Variants in TEX9 observed in about 807,000 individuals in gnomAD.
TEX9 encodes the protein testis-expressed protein 9.
In TEX9, 74 loss-of-function variants were observed where a neutral mutation model predicts 59.6. The observed-to-expected ratio is 1.24, with a 90% CI of 1.03 to 1.51. TEX9 has a LOEUF of 1.51. TEX9 is among the 40% of genes most tolerant of loss of function. TEX9 has a pLI of 0.00. For missense variants in TEX9, 522 were observed against 447.8 expected (o/e 1.17, Z -1.49); for synonymous variants, 186 against 152.2 (o/e 1.22, Z -1.64).
At chr15:56,336,340 G>A (rs1405881252) in intron 1 of TEX9, among the ~76,000 whole-genome samples, 2 of 152,158 alleles carry the variant, frequency 1.3e-5, no homozygotes, top group African/African-American at 4.8e-5. Flanking sequence ...TAGGTCACAA[G>A]GGTGGTCCCT....
chr15:56,446,969 T>C, downstream of TEX9: 1 of 1,512,050 alleles, frequency 6.6e-7, no homozygotes, highest in East Asian at 2.3e-5. Context: ...AAAACAAATT[T>C]AAATGTTAGG....
intron 2 of TEX9, among the ~76,000 whole-genome samples, chr15:56,369,163 G>A (rs1237187218): frequency 1.3e-5 from 2 of 151,962 alleles, no homozygotes; most frequent in Admixed American, 6.6e-5. Flanking sequence ...AGCACATAGG[G>A]TTGTTTGTTT....
chr15:56,434,210 C>A, intron 12 of TEX9: 1 of 1,613,934 alleles, frequency 6.2e-7, no homozygotes, highest in Non-Finnish European at 8.5e-7. Context: ...CCAGCTGCTT[C>A]ATTCTTTGTT....
rs2047385975 is a variant in TEX9 at position 56,375,309 on chromosome 15, T to C, written c.183+1805T>C. Among the ~76,000 whole-genome samples, 5 of 152,248 alleles carry C rather than the reference T, an allele frequency of 3.3e-5. No homozygotes were observed. In the South Asian group the frequency reaches 1.0e-3, roughly 32 times the overall value. ...CATGTGTTTTTTGGCCGCATAAATGTCTTCTTTTGAGAAGTGTCTGTTCAT... is the reference window on the plus strand; with the variant it reads ...CATGTGTTTTTTGGCCGCATAAATGCCTTCTTTTGAGAAGTGTCTGTTCAT... On this transcript the variant is annotated intron_variant, in intron 3 of 12. Coordinates refer to ENST00000352903, the Ensembl canonical transcript of TEX9.
chr15:56,427,615 A>C, exon 11 of TEX9: 1 of 1,533,992 alleles, frequency 6.5e-7, no homozygotes, highest in East Asian at 2.4e-5. Flanking sequence ...GACATAGCAA[A>C]TGAAGAACAC....
At chr15:56,260,612 T>G (rs1374561528) in intron 1 of TEX9, among the ~76,000 whole-genome samples, 1 of 152,102 alleles carries the variant, frequency 6.6e-6, no homozygotes, top group Non-Finnish European at 1.5e-5. Context: ...TTATGATATG[T>G]TATCCTTTTT....
chr15:56,427,644 A>AAATC lies in TEX9; in HGVS notation c.1005_1008dup (p.Glu337IlefsTer25). On this transcript the variant is annotated frameshift_variant, in exon 11 of 13. Coordinates refer to ENST00000352903, the Ensembl canonical transcript of TEX9. LOFTEE classifies it high-confidence loss of function. ...AGAACACAAAAAAATTGAAGTGTTAAAATCAGAAAACAAGAAGCTAGAAAA... is the reference window on the plus strand; with the variant it reads ...AGAACACAAAAAAATTGAAGTGTTAAAATCAATCAGAAAACAAGAAGCTAGAAAA... The AAATC allele has an allele frequency of 6.4e-7, 1 of 1,551,650 alleles. No homozygotes were observed. The highest frequency in any genetic ancestry group is 8.7e-7 in the Non-Finnish European group (1 of 1,150,342).
At chr15:56,252,680 A>G (rs183606113) in intron 1 of TEX9, among the ~76,000 whole-genome samples, 1 of 152,032 alleles carries the variant, frequency 6.6e-6, no homozygotes, top group African/African-American at 2.4e-5. Flanking sequence ...CTAGTTTCTT[A>G]TCTGAATTCA....
chr15:56,344,685 C>T (rs2046434366), intron 1 of TEX9, among the ~76,000 whole-genome samples: 1 of 151,934 alleles, frequency 6.6e-6, no homozygotes, highest in South Asian at 2.1e-4. Flanking sequence ...TTAGGTAGGA[C>T]ATCATCATAT....
intron 1 of TEX9, among the ~76,000 whole-genome samples, chr15:56,273,665 CTT>C (rs1416165574): frequency 6.6e-6 from 1 of 152,096 alleles, no homozygotes; most frequent in African/African-American, 2.4e-5. Flanking sequence ...GTCTGAAAGT[CTT>C]TATTTCTTCT....
At chr15:56,432,706 AGCTTTCTCC>A (rs1263124984) in intron 12 of TEX9, among the ~76,000 whole-genome samples, 1 of 152,154 alleles carries the variant, frequency 6.6e-6, no homozygotes, top group Admixed American at 6.5e-5. Flanking sequence ...CTTTTCCAGG[AGCTTTCTCC>A]TATCCAAGTA....
intron 10 of TEX9, among the ~76,000 whole-genome samples, chr15:56,423,753 T>A (rs976875714): frequency 6.6e-6 from 1 of 152,128 alleles, no homozygotes; most frequent in African/African-American, 2.4e-5. Flanking sequence ...ATTTGTCTGT[T>A]CTGGTATATG....
chr15:56,421,669 A>G (rs1010546406), intron 10 of TEX9: 1 of 151,570 alleles, frequency 6.6e-6, no homozygotes, highest in East Asian at 1.9e-4. Context: ...TCCTGTGTCC[A>G]TGTGTTCTCA....
chr15:56,456,486 G>A, the TEX9 span: 3 of 1,611,188 alleles, frequency 1.9e-6, no homozygotes, highest in Non-Finnish European at 2.5e-6. Context: ...CTTCTTGTTT[G>A]AGCTGGAGTT....
intron 2 of TEX9, among the ~76,000 whole-genome samples, chr15:56,371,054 G>C (rs960046500): frequency 2.0e-5 from 3 of 151,880 alleles, no homozygotes; most frequent in Non-Finnish European, 2.9e-5. Flanking sequence ...CCGGGGTTTC[G>C]CTATGTTGGC....
intron 1 of TEX9, among the ~76,000 whole-genome samples, chr15:56,253,564 AG>A (rs1462240970): frequency 6.6e-6 from 1 of 152,104 alleles, no homozygotes; most frequent in Non-Finnish European, 1.5e-5. Context: ...ATTAGAGATG[AG>A]GGTCTGTGCT....
intron 1 of TEX9, among the ~76,000 whole-genome samples, chr15:56,328,746 G>A (rs2046079668): frequency 6.6e-6 from 1 of 152,130 alleles, no homozygotes. Flanking sequence ...CATGGTTTGA[G>A]TGCCAGCTCA....
At chr15:56,434,964 A>T (rs550804253) in intron 12 of TEX9, among the ~76,000 whole-genome samples, 39 of 152,238 alleles carry the variant, frequency 2.6e-4, no homozygotes, top group African/African-American at 9.1e-4. Flanking sequence ...GTCCTTTCCT[A>T]TAAGCTTTTA....
chr15:56,333,096 G>A (rs2046187601), intron 1 of TEX9, among the ~76,000 whole-genome samples: 1 of 152,018 alleles, frequency 6.6e-6, no homozygotes, highest in African/African-American at 2.4e-5. Flanking sequence ...AACATTTAAA[G>A]AAGAAGTAAT....
Sources: allele counts gnomAD v4.1 joint callset (sites outside exome capture counted in the v4.1 genomes callset), GRCh38; gene constraint gnomAD v4.1.1; transcripts MANE v1.5; gene names NCBI Gene and HGNC (gene_info 2026-07-23, HGNC 2026-07-21).